The following GDPD4 variants were observed in gnomAD, a reference collection of about 807,000 sequenced individuals.
GDPD4 encodes glycerophosphodiester phosphodiesterase 6.
GDPD4 carries 60 observed loss-of-function variants against 67.8 expected under a neutral mutation model. The ratio of observed to expected loss-of-function variants is 0.88; its 90% CI spans 0.72 to 1.10. GDPD4 has a LOEUF of 1.10. GDPD4 is among the 50% of genes least tolerant of loss of function. GDPD4 has a pLI of 0.00. For missense variants in GDPD4, 623 were observed against 613.9 expected (o/e 1.01, Z -0.16); for synonymous variants, 212 against 210.9 (o/e 1.00, Z -0.04).
intron 5 of GDPD4, 80 bp downstream of exon 5, chr11:77,276,081 G>T: frequency 1.0e-6 from 1 of 974,514 alleles, no homozygotes; most frequent in South Asian, 1.3e-5. Context: ...ACACAAAACT[G>T]AGTACCAAGG....
chr11:77,221,157 GGT>G (rs1237498952), intron 16 of GDPD4, among the ~76,000 whole-genome samples: 1 of 151,740 alleles, frequency 6.6e-6, no homozygotes, highest in African/African-American at 2.4e-5. Flanking sequence ...TCTTGCTAGT[GGT>G]CTATCAATTT....
intron 10 of GDPD4, among the ~76,000 whole-genome samples, chr11:77,267,519 G>C (rs1278797082): frequency 1.3e-5 from 2 of 152,106 alleles, no homozygotes; most frequent in Non-Finnish European, 2.9e-5. Flanking sequence ...AGTAGTATTA[G>C]TTTTAATTTG....
intron 3 of GDPD4, among the ~76,000 whole-genome samples, chr11:77,281,818 G>A (rs536815999): frequency 9.9e-5 from 15 of 152,180 alleles, no homozygotes; most frequent in Middle Eastern, 3.4e-3. Context: ...GTGAACAGAC[G>A]TTATTAGTCT....
At chr11:77,268,880 C>T (rs1260620416) in intron 9 of GDPD4, 44 bp downstream of exon 9, 1 of 1,594,502 alleles carries the variant, frequency 6.3e-7, no homozygotes, top group Admixed American at 1.7e-5. Flanking sequence ...CCACATACCC[C>T]ACACATACTT....
In GDPD4 at chr11:77,233,006, A is replaced by G; in HGVS notation, c.1389+19T>C. 6.2e-7 allele frequency: 1 copy of G among 1,613,332 alleles called. No individual in the cohort carries two copies. The highest frequency in any genetic ancestry group is 8.5e-7 in the Non-Finnish European group (1 of 1,179,346). On this transcript the variant is annotated intron_variant, in intron 14 of 16. Transcript: ENST00000315938. ...CTATCATACCAAGCCTGGAAGAACA[A>G]TCTGGACAACCAGCTCACCATGAAG...
chr11:77,266,687 C>A (rs190380890), intron 10 of GDPD4, among the ~76,000 whole-genome samples: 1 of 152,206 alleles, frequency 6.6e-6, no homozygotes, highest in African/African-American at 2.4e-5. Flanking sequence ...TATGAACGAT[C>A]CTGACCCTGT....
At chr11:77,298,964 C>T (rs200782255) in intron 1 of GDPD4, among the ~76,000 whole-genome samples, 3 of 152,052 alleles carry the variant, frequency 2.0e-5, no homozygotes, top group East Asian at 3.9e-4. Context: ...TTAAATAAAA[C>T]CCATCTGATG....
chr11:77,271,924 A>T (rs554824958), intron 5 of GDPD4, among the ~76,000 whole-genome samples: 3 of 152,334 alleles, frequency 2.0e-5, no homozygotes, highest in South Asian at 2.1e-4. Context: ...TAAGCATCCA[A>T]TAAGTATTTA....
chr11:77,256,878 T>C (rs1959012970), intron 11 of GDPD4, among the ~76,000 whole-genome samples: 1 of 152,236 alleles, frequency 6.6e-6, no homozygotes, highest in African/African-American at 2.4e-5. Flanking sequence ...TGTAGAACCA[T>C]GAGTCAAATA....
intron 16 of GDPD4, among the ~76,000 whole-genome samples, chr11:77,219,589 T>C (rs879834121): frequency 1.8e-4 from 27 of 152,366 alleles, no homozygotes; most frequent in Non-Finnish European, 3.1e-4. Context: ...TTCAGCTTTC[T>C]ACATATGGCT....
At chr11:77,291,993 G>A (rs947311110) in intron 1 of GDPD4, among the ~76,000 whole-genome samples, 13 of 152,100 alleles carry the variant, frequency 8.5e-5, no homozygotes, top group African/African-American at 3.1e-4. Context: ...TGGCAACATT[G>A]CACTCCAGCC....
chr11:77,266,661 A>G (rs756715006), intron 10 of GDPD4, among the ~76,000 whole-genome samples: 1 of 152,210 alleles, frequency 6.6e-6, no homozygotes, highest in Non-Finnish European at 1.5e-5. Context: ...CAAGATGTGA[A>G]GGTAGAAGAC....
At chr11:77,249,655 C>G (rs913100386) in intron 11 of GDPD4, among the ~76,000 whole-genome samples, 5 of 152,270 alleles carry the variant, frequency 3.3e-5, no homozygotes, top group South Asian at 2.1e-4. Flanking sequence ...ACTAAGGAAA[C>G]CAGTGCTCGG....
At position 77,269,869 on chromosome 11, in the gene GDPD4, T is replaced by C; in HGVS notation, c.478+14A>G. The C allele has an allele frequency of 6.9e-7, 1 of 1,452,188 alleles. No homozygotes were observed. Among genetic ancestry groups the C allele is most frequent in the Non-Finnish European group, 9.5e-7 (1 of 1,051,648 alleles). The allele number at this position is 1,452,188 out of a possible 1,614,324, so 90.0% of individuals were successfully genotyped here. The stretch of plus-strand genomic sequence containing the variant: ...TGCTTTAGTGACTTTCAAATCTCAG[T>C]CTCCAGCTCTAACCTCTTAACCTTG... On this transcript the variant is annotated intron_variant, in intron 8 of 16. Coordinates refer to ENST00000315938, the MANE Select transcript of GDPD4 (RefSeq NM_182833.3).
intron 16 of GDPD4, among the ~76,000 whole-genome samples, chr11:77,217,626 G>A (rs1253335405): frequency 2.6e-5 from 4 of 151,796 alleles, no homozygotes; most frequent in Admixed American, 2.0e-4. Context: ...TTAGAAAAAT[G>A]AGGGCTTCCC....
intron 16 of GDPD4, 126 bp downstream of exon 16, chr11:77,227,738 C>A: frequency 5.1e-6 from 3 of 589,526 alleles, no homozygotes; most frequent in Non-Finnish European, 6.4e-6. Context: ...TGGTCCCTCC[C>A]CCAACCCCAC....
At chr11:77,240,587 G>C (rs1040817198) in intron 13 of GDPD4, among the ~76,000 whole-genome samples, 2 of 152,036 alleles carry the variant, frequency 1.3e-5, no homozygotes, top group African/African-American at 4.8e-5. Flanking sequence ...TGATTTTTTG[G>C]ATATGACCCC....
At chr11:77,222,020 C>CTGTT (rs1412557246) in intron 16 of GDPD4, among the ~76,000 whole-genome samples, 2 of 152,172 alleles carry the variant, frequency 1.3e-5, no homozygotes, top group African/African-American at 2.4e-5. Context: ...GGTTTAAAGT[C>CTGTT]TGTTTTATCA....
intron 11 of GDPD4, among the ~76,000 whole-genome samples, chr11:77,256,863 G>C (rs550973265): frequency 8.5e-5 from 13 of 152,270 alleles, no homozygotes; most frequent in African/African-American, 2.9e-4. Context: ...CATGCTTGTA[G>C]AGCATGTAGA....
Sources: gnomAD v4.1 joint callset for allele counts (sites outside exome capture counted in the v4.1 genomes callset) on GRCh38, gnomAD v4.1.1 for gene constraint, MANE v1.5 for transcripts, NCBI Gene and HGNC (gene_info 2026-07-23, HGNC 2026-07-21) for gene names.